The following WWOX variants were observed in gnomAD, a reference collection of about 807,000 sequenced individuals.
WWOX encodes the protein WW domain-containing oxidoreductase.
Under a neutral mutation model 46.2 loss-of-function variants are expected in WWOX, and 69 were observed. The observed-to-expected ratio is 1.49, with a 90% CI of 1.23 to 1.82. WWOX has a LOEUF of 1.82. Among genes scored for constraint, WWOX ranks in the 40% most tolerant of loss-of-function variants. The pLI is 0.00. For synonymous variants in WWOX, 359 were observed against 202.6 expected (o/e 1.77, Z -6.56); for missense variants, 919 against 542.6 (o/e 1.69, Z -6.89).
chr16:78,393,608 T>C (rs1404562978), intron 6 of WWOX, among the ~76,000 whole-genome samples: 1 of 152,224 alleles, frequency 6.6e-6, no homozygotes, highest in Non-Finnish European at 1.5e-5. Context: ...GAGATATTTA[T>C]TACTTAGATT....
intron 8 of WWOX, among the ~76,000 whole-genome samples, chr16:78,873,916 C>G (rs2044179981): frequency 6.6e-6 from 1 of 152,050 alleles, no homozygotes; most frequent in African/African-American, 2.4e-5. Flanking sequence ...TCTCTGAAGA[C>G]TTCATTCTAG....
intron 8 of WWOX, among the ~76,000 whole-genome samples, chr16:78,663,889 G>A (rs2047271463): frequency 6.6e-6 from 1 of 152,154 alleles, no homozygotes; most frequent in Admixed American, 6.6e-5. Context: ...GAGAGTAAGT[G>A]GTGAATGGGT....
intron 8 of WWOX, among the ~76,000 whole-genome samples, chr16:78,938,441 G>C (rs1291007008): frequency 4.0e-5 from 6 of 151,888 alleles, no homozygotes; most frequent in Non-Finnish European, 7.4e-5. Context: ...GTGTGAGACA[G>C]TGAAACCCTC....
At chr16:78,780,002 C>G (rs549810060) in intron 8 of WWOX, among the ~76,000 whole-genome samples, 45 of 152,316 alleles carry the variant, frequency 3.0e-4, no homozygotes, top group African/African-American at 9.4e-4. Context: ...GTGTCAACAT[C>G]TCTGGAACAT....
intron 6 of WWOX, among the ~76,000 whole-genome samples, chr16:78,398,095 A>C (rs147414608): frequency 6.6e-6 from 1 of 152,314 alleles, no homozygotes; most frequent in African/African-American, 2.4e-5. Flanking sequence ...TCAAGTAGAC[A>C]GAAGAAGACC....
At chr16:78,986,708 T>A (rs535465528) in intron 8 of WWOX, among the ~76,000 whole-genome samples, 1 of 152,332 alleles carries the variant, frequency 6.6e-6, no homozygotes, top group Admixed American at 6.5e-5. Flanking sequence ...CTGTTACCAA[T>A]TGACCAGGGT....
chr16:78,605,969 G>C (rs764164210), intron 8 of WWOX, among the ~76,000 whole-genome samples: 2 of 152,160 alleles, frequency 1.3e-5, no homozygotes, highest in Admixed American at 6.5e-5. Flanking sequence ...GAATTGAATG[G>C]GCAGCTTTGG....
At chr16:78,159,688 T>TA (rs1428491442) in intron 4 of WWOX, among the ~76,000 whole-genome samples, 6 of 149,784 alleles carry the variant, frequency 4.0e-5, no homozygotes, top group Non-Finnish European at 8.9e-5. Flanking sequence ...TTTTTTTTTT[T>TA]TTTTTTTGCT....
intron 8 of WWOX, among the ~76,000 whole-genome samples, chr16:78,580,769 C>T (rs550232207): frequency 6.6e-6 from 1 of 152,202 alleles, no homozygotes; most frequent in African/African-American, 2.4e-5. Flanking sequence ...GAGAAGTCTG[C>T]TAATTATTCT....
At chr16:79,168,894 A>T (rs902083181) in intron 8 of WWOX, among the ~76,000 whole-genome samples, 2 of 152,326 alleles carry the variant, frequency 1.3e-5, no homozygotes, top group African/African-American at 2.4e-5. Context: ...AAACTTTTGC[A>T]TGGGAAAAAT....
intron 8 of WWOX, among the ~76,000 whole-genome samples, chr16:78,850,893 C>T (rs1162133585): frequency 1.3e-5 from 2 of 152,190 alleles, no homozygotes; most frequent in Non-Finnish European, 2.9e-5. Context: ...TGGAAGATTT[C>T]TGTGATCACT....
intron 5 of WWOX, among the ~76,000 whole-genome samples, chr16:78,369,959 C>G (rs1251929243): frequency 2.6e-5 from 4 of 151,700 alleles, no homozygotes; most frequent in African/African-American, 7.3e-5. Context: ...ATGGTGAAAC[C>G]CCATCTCTAC....
rs565744788 is a variant in WWOX at position 78,874,067 on chromosome 16, C to G, written c.1057-337541C>G. ...ACAAGGTCAGGAGTTTGAAACCAGC[C>G]TGACCAACCCTGTCTCTACTAAAAT... On this transcript the variant is annotated intron_variant, in intron 8 of 8. Transcript: ENST00000566780. 1.7e-4 allele frequency among the ~76,000 whole-genome samples: 26 copies of G among 151,530 alleles called. No individual in the cohort carries two copies. The South Asian group carries it at 4.8e-3, about 28-fold the overall frequency.
intron 8 of WWOX, among the ~76,000 whole-genome samples, chr16:78,845,055 G>A (rs2052261793): frequency 6.6e-6 from 1 of 151,840 alleles, no homozygotes; most frequent in Non-Finnish European, 1.5e-5. Flanking sequence ...CAGACAAATG[G>A]AAAACCTTCA....
At chr16:78,534,797 C>T (rs1235672300) in intron 8 of WWOX, among the ~76,000 whole-genome samples, 1 of 152,026 alleles carries the variant, frequency 6.6e-6, no homozygotes, top group Non-Finnish European at 1.5e-5. Flanking sequence ...GCAACCTCCA[C>T]CTCCCGGGTT....
At chr16:79,208,068 A>G (rs2051579073) in intron 8 of WWOX, among the ~76,000 whole-genome samples, 1 of 152,196 alleles carries the variant, frequency 6.6e-6, no homozygotes, top group Non-Finnish European at 1.5e-5. Flanking sequence ...AATCTGACAG[A>G]TGATTTTTGA....
At chr16:78,259,132 C>T (rs1323664054) in intron 5 of WWOX, among the ~76,000 whole-genome samples, 3 of 152,184 alleles carry the variant, frequency 2.0e-5, no homozygotes, top group Non-Finnish European at 4.4e-5. Context: ...AAAAAACTGT[C>T]TGTTCATATA....
At chr16:79,037,237 C>G (rs539051997) in intron 8 of WWOX, among the ~76,000 whole-genome samples, 13 of 152,338 alleles carry the variant, frequency 8.5e-5, no homozygotes, top group African/African-American at 3.1e-4. Flanking sequence ...TTCGTTCTCT[C>G]TCTCTCGCTC....
chr16:78,312,750 T>C (rs574349978), intron 5 of WWOX, among the ~76,000 whole-genome samples: 2 of 152,212 alleles, frequency 1.3e-5, no homozygotes, highest in Non-Finnish European at 2.9e-5. Flanking sequence ...CTGAAGGTCG[T>C]CTGGCTTTAT....
Sources: allele counts gnomAD v4.1 joint callset (sites outside exome capture counted in the v4.1 genomes callset), GRCh38; gene constraint gnomAD v4.1.1; transcripts MANE v1.5; gene names NCBI Gene and HGNC (gene_info 2026-07-23, HGNC 2026-07-21).